The following PCDHA1 variants were observed in gnomAD, a reference collection of about 807,000 sequenced individuals.
PCDHA1 encodes the protein protocadherin alpha 1.
Under a neutral mutation model 61.3 loss-of-function variants are expected in PCDHA1, and 42 were observed. The observed-to-expected ratio is 0.69, with a 90% CI of 0.54 to 0.89. The LOEUF is 0.89. PCDHA1 is among the 40% of genes least tolerant of loss of function. The pLI is 0.00. For synonymous variants in PCDHA1, 610 were observed against 553.8 expected (o/e 1.10, Z -1.43); for missense variants, 1,256 against 1,235.3 (o/e 1.02, Z -0.25).
intron 1 of PCDHA1, among the ~76,000 whole-genome samples, chr5:140,975,653 A>T (rs2096676885): frequency 6.6e-6 from 1 of 152,230 alleles, no homozygotes; most frequent in South Asian, 2.1e-4. Context: ...TATTTCATTG[A>T]GTAGTTGTGT....
intron 1 of PCDHA1, chr5:140,849,676 C>G (rs2150444871): frequency 1.3e-6 from 2 of 1,598,588 alleles, no homozygotes; most frequent in African/African-American, 2.7e-5. Context: ...CCCCACGTCC[C>G]CTTCAAGCTG....
At chr5:140,829,429 C>T (rs1770296040) in intron 1 of PCDHA1, 2 of 1,614,010 alleles carry the variant, frequency 1.2e-6, no homozygotes, top group South Asian at 1.1e-5. Flanking sequence ...TGGAGGTGGC[C>T]GACATGAATG....
intron 1 of PCDHA1, among the ~76,000 whole-genome samples, chr5:140,978,171 G>C (rs1386184793): frequency 6.6e-6 from 1 of 152,186 alleles, no homozygotes; most frequent in Non-Finnish European, 1.5e-5. Context: ...AGAGTTTGTA[G>C]AGAGAGGGCA....
At chr5:140,915,683 G>A (rs1052949485) in intron 1 of PCDHA1, among the ~76,000 whole-genome samples, 1 of 150,776 alleles carries the variant, frequency 6.6e-6, no homozygotes, top group African/African-American at 2.4e-5. Context: ...TTGAACTAGG[G>A]GTATGGTGAT....
At chr5:140,858,949 G>A in intron 1 of PCDHA1, 1 of 158,970 alleles carries the variant, frequency 6.3e-6, no homozygotes, top group Non-Finnish European at 1.4e-5. Flanking sequence ...AGTGATTACA[G>A]CTTTTTCTCA....
At chr5:140,915,362 A>C (rs2077085780) in intron 1 of PCDHA1, among the ~76,000 whole-genome samples, 2 of 152,274 alleles carry the variant, frequency 1.3e-5, no homozygotes, top group East Asian at 3.9e-4. Flanking sequence ...TATTCTTACC[A>C]GTAAGTGTCT....
intron 1 of PCDHA1, chr5:140,829,715 G>T (rs553935345): frequency 6.2e-7 from 1 of 1,613,468 alleles, no homozygotes; most frequent in Admixed American, 1.7e-5. Flanking sequence ...CGACGCGGGC[G>T]TGCCGCCTCT....
chr5:140,850,457 C>A lies in PCDHA1; in HGVS notation c.2394+61773C>A. ...GCCTACTGGTGCTGGTGAAAGACCA[C>A]GGGGAGCCAGCGCTGACGGCCACGG... On this transcript the variant is annotated intron_variant, in intron 1 of 3. Transcript: ENST00000504120. The A allele has an allele frequency of 3.1e-6, 5 of 1,597,798 alleles. 1 individual carries two copies. Among genetic ancestry groups the A allele is most frequent in the Non-Finnish European group, 4.3e-6 (5 of 1,167,620 alleles).
chr5:140,978,778 T>C, intron 1 of PCDHA1, 171 bp from the exon 2 acceptor site: 1 of 968,888 alleles, frequency 1.0e-6, no homozygotes, highest in Non-Finnish European at 1.2e-6. Context: ...CTAATTTTCT[T>C]CTAAAGTGCT....
At chr5:140,877,489 G>C (rs782165291) in intron 1 of PCDHA1, 3 of 1,613,844 alleles carry the variant, frequency 1.9e-6, no homozygotes, top group Non-Finnish European at 1.7e-6. Context: ...GGTGGAGAAC[G>C]GCCAGGCCCC....
chr5:140,954,316 C>T (rs1406547197), intron 1 of PCDHA1, among the ~76,000 whole-genome samples: 6 of 152,140 alleles, frequency 3.9e-5, no homozygotes, highest in South Asian at 4.1e-4. Context: ...GGGATTGCTG[C>T]GTCAAATGGT....
chr5:140,983,444 TC>T (rs1554245415), intron 3 of PCDHA1, among the ~76,000 whole-genome samples: 1 of 152,224 alleles, frequency 6.6e-6, no homozygotes. Context: ...TCTACTCTAA[TC>T]CTCTATTAAT....
chr5:140,909,010 G>C (rs2074261521), intron 1 of PCDHA1, among the ~76,000 whole-genome samples: 1 of 152,120 alleles, frequency 6.6e-6, no homozygotes, highest in South Asian at 2.1e-4. Flanking sequence ...GAGGTAGAAG[G>C]TTCCTGAATT....
intron 1 of PCDHA1, chr5:140,850,308 G>C: frequency 6.3e-7 from 1 of 1,597,160 alleles, no homozygotes; most frequent in Non-Finnish European, 8.6e-7. Flanking sequence ...GGGCTACAAC[G>C]CGTGGCTTTC....
chr5:140,835,256 C>T (rs201236040), intron 1 of PCDHA1: 72 of 1,606,500 alleles, frequency 4.5e-5, no homozygotes, highest in Non-Finnish European at 5.9e-5. Context: ...ATATAAAATC[C>T]AAGTTCCACA....
chr5:140,796,609 G>T (rs574282635), intron 1 of PCDHA1: 4 of 1,612,476 alleles, frequency 2.5e-6, no homozygotes, highest in South Asian at 1.1e-5. Context: ...GGGCAGCAAC[G>T]TGACGCTGCA....
chr5:140,880,147 A>G (rs986031880), intron 1 of PCDHA1, among the ~76,000 whole-genome samples: 1 of 152,254 alleles, frequency 6.6e-6, no homozygotes, highest in African/African-American at 2.4e-5. Context: ...AAAGTGCAAT[A>G]TATCAAGTAT....
At chr5:140,958,544 A>G (rs1218939069) in intron 1 of PCDHA1, among the ~76,000 whole-genome samples, 1 of 152,182 alleles carries the variant, frequency 6.6e-6, no homozygotes, top group Non-Finnish European at 1.5e-5. Flanking sequence ...TGATTTATGA[A>G]CCAATAAATG....
chr5:140,989,630 G>C (rs1483532761), intron 3 of PCDHA1, among the ~76,000 whole-genome samples: 4 of 152,228 alleles, frequency 2.6e-5, no homozygotes, highest in Admixed American at 2.6e-4. Context: ...CCTAGTGACA[G>C]CAAGGGTCTT....
Sources: allele counts gnomAD v4.1 joint callset (sites outside exome capture counted in the v4.1 genomes callset), GRCh38; gene constraint gnomAD v4.1.1; transcripts MANE v1.5; gene names NCBI Gene and HGNC (gene_info 2026-07-23, HGNC 2026-07-21).